The following MINDY2 variants were observed in gnomAD, a reference collection of about 807,000 sequenced individuals.
The protein encoded by MINDY2 is MINDY lysine 48 deubiquitinase 2.
In MINDY2, 52 loss-of-function variants were observed where a neutral mutation model predicts 68.2. The observed-to-expected ratio is 0.76, with a 90% CI of 0.61 to 0.96. MINDY2 has a LOEUF of 0.96. Ranked by LOEUF, MINDY2 falls within the 40% of genes least tolerant of loss-of-function variation. The pLI, the probability that MINDY2 is intolerant of heterozygous loss-of-function variation, is 0.00. For synonymous variants in MINDY2, 372 were observed against 303.0 expected, an observed-to-expected ratio of 1.23 and a Z score of -2.36; for missense variants, 881 against 773.4, an observed-to-expected ratio of 1.14 and a Z score of -1.65.
intron 3 of MINDY2, among the ~76,000 whole-genome samples, chr15:58,808,844 T>A (rs1036123239): frequency 6.6e-6 from 1 of 152,308 alleles, no homozygotes; most frequent in South Asian, 2.1e-4. Context: ...GACCTCGTGA[T>A]CCACCCGCCT....
intron 3 of MINDY2, among the ~76,000 whole-genome samples, chr15:58,803,945 G>GAAAAAAAAAAAAA (rs34082956): frequency 2.6e-5 from 2 of 77,238 alleles, no homozygotes; most frequent in African/African-American, 5.1e-5. Context: ...CAGCTCTACT[G>GAAAAAAAAAAAAA]AAAAAAAAAA....
intron 4 of MINDY2, among the ~76,000 whole-genome samples, chr15:58,813,337 A>G (rs1437012744): frequency 2.0e-5 from 3 of 152,170 alleles, no homozygotes; most frequent in African/African-American, 7.2e-5. Flanking sequence ...TCTACTAAAA[A>G]TACAAAAATC....
At chr15:58,836,169 C>T (rs1442458788) in intron 6 of MINDY2, among the ~76,000 whole-genome samples, 1 of 152,002 alleles carries the variant, frequency 6.6e-6, no homozygotes, top group African/African-American at 2.4e-5. Context: ...CTCGGCCTCC[C>T]AAAGTGCTGG....
intron 2 of MINDY2, among the ~76,000 whole-genome samples, chr15:58,800,959 G>T (rs1018618482): frequency 2.6e-5 from 4 of 151,816 alleles, no homozygotes; most frequent in Admixed American, 2.6e-4. Context: ...CAGTTGACAA[G>T]ATTTTTTAAA....
At chr15:58,837,500 A>T (rs1263985054) in intron 6 of MINDY2, among the ~76,000 whole-genome samples, 1 of 149,510 alleles carries the variant, frequency 6.7e-6, no homozygotes, top group Non-Finnish European at 1.5e-5. Flanking sequence ...TTGAGCCCTG[A>T]GCCCAGGAGG....
chr15:58,772,264 A>T (rs780020877), intron 1 of MINDY2, 29 bp downstream of exon 1: 1 of 1,604,046 alleles, frequency 6.2e-7, no homozygotes, highest in Non-Finnish European at 8.5e-7. Context: ...TACTTCCTAC[A>T]GCTTTTGGGG....
In MINDY2 at chr15:58,780,411, AAAAG is replaced by A. The variant is rs1359092022; in HGVS notation, c.841-7487_841-7484del. On this transcript the variant is annotated intron_variant, in intron 1 of 8. Transcript: ENST00000559228. ...GAGCGAAACTCCATCTCAAAAAAAA[AAAAG>A]AAAGAAAATTGAAGTGCATAAAGTT... Among the ~76,000 whole-genome samples, 3 of 152,296 alleles carry A rather than the reference AAAAG, an allele frequency of 2.0e-5. No homozygotes were observed. In the East Asian group the frequency reaches 5.8e-4, roughly 29 times the overall value.
At chr15:58,812,819 C>T (rs2030386860) in intron 4 of MINDY2, among the ~76,000 whole-genome samples, 1 of 152,230 alleles carries the variant, frequency 6.6e-6, no homozygotes, top group African/African-American at 2.4e-5. Flanking sequence ...GATCACACTA[C>T]TGCGTTCCAG....
At chr15:58,796,952 G>T (rs1302451150) in intron 2 of MINDY2, among the ~76,000 whole-genome samples, 1 of 152,100 alleles carries the variant, frequency 6.6e-6, no homozygotes, top group Non-Finnish European at 1.5e-5. Context: ...ATTGTGTAAG[G>T]CAGATTGAGT....
At chr15:58,838,527 T>C (rs546488347) in intron 6 of MINDY2, among the ~76,000 whole-genome samples, 1 of 151,408 alleles carries the variant, frequency 6.6e-6, no homozygotes, top group Non-Finnish European at 1.5e-5. Flanking sequence ...AAACAGGCAA[T>C]CAGACATAAA....
intron 5 of MINDY2, among the ~76,000 whole-genome samples, chr15:58,824,100 G>A (rs1479835020): frequency 6.6e-6 from 1 of 152,186 alleles, no homozygotes; most frequent in Non-Finnish European, 1.5e-5. Context: ...TATGGAGTAT[G>A]AAGCTATGTG....
intron 1 of MINDY2, among the ~76,000 whole-genome samples, chr15:58,778,771 T>TAA (rs1482537403): frequency 6.6e-6 from 1 of 150,972 alleles, no homozygotes; most frequent in African/African-American, 2.4e-5. Flanking sequence ...GGACCACAGG[T>TAA]GTGTGCTACC....
intron 4 of MINDY2, among the ~76,000 whole-genome samples, chr15:58,814,192 G>A (rs1398070482): frequency 3.3e-5 from 5 of 151,894 alleles, no homozygotes; most frequent in Admixed American, 6.6e-5. Context: ...CACCCGCTTC[G>A]GCCTCCCAGA....
chr15:58,809,371 CA>C (rs755381158), intron 3 of MINDY2, among the ~76,000 whole-genome samples: 1 of 152,106 alleles, frequency 6.6e-6, no homozygotes, highest in Non-Finnish European at 1.5e-5. Context: ...ATGATGTCCT[CA>C]AGGTTCATCT....
chr15:58,791,213 TTTTATATATATATATA>T (rs1224512546), intron 2 of MINDY2, among the ~76,000 whole-genome samples: 5 of 38,338 alleles, frequency 1.3e-4, no homozygotes, highest in Non-Finnish European at 3.0e-4. Flanking sequence ...AGGAAAGCAA[TTTTATATATATATATA>T]TATATATATA....
intron 3 of MINDY2, among the ~76,000 whole-genome samples, chr15:58,805,315 T>C (rs1170625642): frequency 6.6e-6 from 1 of 152,200 alleles, no homozygotes; most frequent in Non-Finnish European, 1.5e-5. Flanking sequence ...TTTTGTGTAA[T>C]TTTACGTGAA....
In MINDY2 at chr15:58,800,082, C is replaced by T. The variant is rs543657771; in HGVS notation, c.899-2231C>T. On this transcript the variant is annotated intron_variant, in intron 2 of 8. Transcript: ENST00000559228. ...GGTCAATGTTGAAGCATTTTAATTT[C>T]GCCCAGAGTTGCCTGTATTTCCTTT... 1.6e-3 allele frequency among the ~76,000 whole-genome samples: 248 copies of T among 152,266 alleles called. 1 individual carries two copies. The highest frequency in any genetic ancestry group is 5.5e-3 in the African/African-American group (229 of 41,560).
At chr15:58,789,915 G>C (rs891835535) in intron 2 of MINDY2, among the ~76,000 whole-genome samples, 41 of 152,100 alleles carry the variant, frequency 2.7e-4, no homozygotes, top group Admixed American at 2.0e-3. Flanking sequence ...CCAAAGTGCT[G>C]GGATTGCAGG....
intron 4 of MINDY2, among the ~76,000 whole-genome samples, chr15:58,812,778 T>C (rs1320089799): frequency 1.3e-5 from 2 of 152,136 alleles, no homozygotes; most frequent in African/African-American, 4.8e-5. Context: ...GGATCACTTG[T>C]GCCCAGGAGG....
Sources: allele counts gnomAD v4.1 joint callset (sites outside exome capture counted in the v4.1 genomes callset), GRCh38; gene constraint gnomAD v4.1.1; transcripts MANE v1.5; gene names NCBI Gene and HGNC (gene_info 2026-07-23, HGNC 2026-07-21).